Variants in PTPN21 observed in about 807,000 individuals in gnomAD.
The protein encoded by PTPN21 is protein tyrosine phosphatase non-receptor type 21, also known as tyrosine-protein phosphatase non-receptor type 21.
In PTPN21, 77 loss-of-function variants were observed where a neutral mutation model predicts 131.8. The observed-to-expected ratio is 0.58, with a 90% CI of 0.49 to 0.71. The LOEUF (loss-of-function observed/expected upper bound fraction) is 0.71, where lower values mean the gene tolerates loss of function less well. Among genes scored for constraint, PTPN21 ranks in the 30% least tolerant of loss-of-function variants. PTPN21 has a pLI of 0.00. For synonymous variants in PTPN21, 715 were observed against 621.3 expected, an observed-to-expected ratio of 1.15 and a Z score of -2.24; for missense variants, 1,552 against 1,527.1, an observed-to-expected ratio of 1.02 and a Z score of -0.27.
In PTPN21 at chr14:88,480,240, T is replaced by C. The variant is rs1428199836; in HGVS notation, c.1191A>G (p.Ala397=). ...GRIRNGSVYS[A]HSTNSLNNPQ... ...GATTATTTAAGGAGTTGGTGCTGTG[T>C]GCACTGTAGACACTGCCATTACGGA... is the stretch of plus-strand genomic sequence containing the variant. Residue 397 remains alanine, a synonymous_variant, in exon 13 of 19, where the codon GCA becomes GCG. Coordinates refer to ENST00000556564, the MANE Select transcript of PTPN21 (RefSeq NM_007039.4). 6.2e-7 allele frequency: 1 copy of C among 1,614,008 alleles called. No homozygotes were observed. The highest frequency in any genetic ancestry group is 8.5e-7 in the Non-Finnish European group (1 of 1,179,952).
intron 13 of PTPN21, chr14:88,474,005 A>G: frequency 4.1e-6 from 2 of 487,010 alleles, no homozygotes; most frequent in Non-Finnish European, 3.5e-6. Context: ...AAGCCCTGAT[A>G]AAGTCTTCCA....
intron 2 of PTPN21, among the ~76,000 whole-genome samples, chr14:88,517,526 C>T (rs1312363811): frequency 3.3e-5 from 5 of 151,818 alleles, no homozygotes; most frequent in Non-Finnish European, 5.9e-5. Context: ...AATACATTCA[C>T]GACCTAGACA....
rs895449770 is a variant in PTPN21 at position 88,467,656 on chromosome 14, A to G, written c.*481T>C. On this transcript the variant is annotated 3_prime_UTR_variant, in exon 19 of 19. Transcript: ENST00000556564. The stretch of plus-strand genomic sequence containing the variant: ...AGATAATAACATGATTTTTAAATAC[A>G]AAGTTATATAGGAGCAACTCATATC... 2 of 152,630 alleles carry G rather than the reference A, an allele frequency of 1.3e-5. No homozygotes were observed. Among genetic ancestry groups the G allele is most frequent in the African/African-American group, 4.8e-5 (2 of 41,476 alleles). 9.5% of individuals were successfully genotyped at this position (152,630 alleles called of 1,614,324 possible).
intron 4 of PTPN21, 128 bp from the exon 5 acceptor site, chr14:88,505,499 T>C (rs1718939070): frequency 1.9e-6 from 1 of 538,116 alleles, no homozygotes; most frequent in African/African-American, 2.0e-5. Flanking sequence ...TTGTTATAGC[T>C]ATATAAAGTA....
Position 88,469,032 on chromosome 14 carries a change from T to C in PTPN21, c.3280A>G (p.Thr1094Ala). The C allele has an allele frequency of 6.2e-7, 1 of 1,614,172 alleles. No homozygotes were observed. The highest frequency in any genetic ancestry group is 8.5e-7 in the Non-Finnish European group (1 of 1,180,020). The change falls in exon 18 of 19, where the codon ACA becomes GCA. Residue 1094 changes from threonine to alanine, a missense_variant. Thr to Ala is a moderately conservative substitution (Grantham distance 58). Coordinates refer to ENST00000556564, the MANE Select transcript of PTPN21 (RefSeq NM_007039.4). The surrounding 1 kb of genome is among the most constrained non-coding windows in gnomAD (Gnocchi z 4.3). ...IQSVRRHTNSTSDPQSPNPPL... is the reference protein window; with the variant it reads ...IQSVRRHTNSASDPQSPNPPL... ...GGGTTGGGGCTTTGGGGATCACTTG[T>C]GCTATTTGTATGGCGTCGAACAGAC...
chr14:88,473,616 T>C, intron 14 of PTPN21, 49 bp downstream of exon 14: 1 of 1,576,868 alleles, frequency 6.3e-7, no homozygotes, highest in Non-Finnish European at 8.6e-7. Flanking sequence ...GCGTAGTATT[T>C]ACCGGTTGTT....
At chr14:88,535,403 C>A (rs2078615576) in intron 2 of PTPN21, among the ~76,000 whole-genome samples, 1 of 152,160 alleles carries the variant, frequency 6.6e-6, no homozygotes, top group African/African-American at 2.4e-5. Context: ...TGGTGTGGTA[C>A]AAAGAGCACT....
intron 2 of PTPN21, among the ~76,000 whole-genome samples, chr14:88,522,371 G>A (rs562298826): frequency 2.1e-5 from 3 of 145,278 alleles, no homozygotes; most frequent in East Asian, 2.1e-4. Flanking sequence ...GAAGTGAGCT[G>A]AGAGCATGCC....
chr14:88,540,673 T>G (rs1566852129), intron 2 of PTPN21, among the ~76,000 whole-genome samples: 2 of 152,148 alleles, frequency 1.3e-5, no homozygotes, highest in African/African-American at 4.8e-5. Context: ...TTATTTTTAT[T>G]TTTTCTGGAG....
In PTPN21 at chr14:88,474,038, T is replaced by G. The variant is rs115234236; in HGVS notation, c.2512-236A>C. The G allele has an allele frequency of 2.3e-3, 842 of 372,316 alleles. 6 individuals carry two copies. The highest frequency in any genetic ancestry group is 0.017 in the African/African-American group (801 of 46,586). 23.1% of individuals were successfully genotyped at this position (372,316 alleles called of 1,614,324 possible). ...CCAGATAGAAGGTTTTGAAACACTA[T>G]TGGTTACAAAGTTCTGTTGTAATGA... On this transcript the variant is annotated intron_variant, in intron 13 of 18. Coordinates refer to ENST00000556564, the MANE Select transcript of PTPN21 (RefSeq NM_007039.4).
chr14:88,533,784 T>C (rs541732160), intron 2 of PTPN21, among the ~76,000 whole-genome samples: 24 of 151,950 alleles, frequency 1.6e-4, no homozygotes, highest in South Asian at 4.2e-4. Flanking sequence ...GGCAGGAGGA[T>C]TGCTTGAGCC....
At chr14:88,519,977 C>A (rs2078365216) in intron 2 of PTPN21, among the ~76,000 whole-genome samples, 1 of 152,196 alleles carries the variant, frequency 6.6e-6, no homozygotes, top group South Asian at 2.1e-4. Flanking sequence ...TGTCCCTGGA[C>A]TACCTCTACC....
At chr14:88,541,674 C>T (rs1321180221) in intron 2 of PTPN21, among the ~76,000 whole-genome samples, 1 of 152,116 alleles carries the variant, frequency 6.6e-6, no homozygotes, top group Admixed American at 6.5e-5. Context: ...AGTTGTCCCA[C>T]TGAGCAATGA....
Position 88,545,028 on chromosome 14 carries a change from C to T in PTPN21, c.180+5210G>A, listed in dbSNP as rs147423750. Among the ~76,000 whole-genome samples, 1,157 of 152,196 alleles carry T rather than the reference C, an allele frequency of 7.6e-3. 6 individuals are homozygous for T. The highest frequency in any genetic ancestry group is 0.026 in the African/African-American group (1,099 of 41,502). ...TATTTTTAGTAGAGATGGGGTTTCACCATGTTGGCCAGGCCAGGCTGGTCT... is the reference window on the plus strand; with the variant it reads ...TATTTTTAGTAGAGATGGGGTTTCATCATGTTGGCCAGGCCAGGCTGGTCT... On this transcript the variant is annotated intron_variant, in intron 2 of 18. Coordinates refer to ENST00000556564, the MANE Select transcript of PTPN21 (RefSeq NM_007039.4).
chr14:88,508,080 C>A (rs942086112), intron 3 of PTPN21, 60 bp from the exon 4 acceptor site: 6 of 852,926 alleles, frequency 7.0e-6, no homozygotes, highest in South Asian at 3.6e-5. Context: ...AGATACAATG[C>A]ATTTAACCAT....
At chr14:88,543,699 C>G (rs538844952) in intron 2 of PTPN21, among the ~76,000 whole-genome samples, 1 of 152,182 alleles carries the variant, frequency 6.6e-6, no homozygotes, top group East Asian at 1.9e-4. Context: ...ACTAAACACA[C>G]AATTTAAAAA....
At position 88,554,657 on chromosome 14, in the gene PTPN21, C is replaced by T. The variant is rs913709999; in HGVS notation, c.-209G>A. The stretch of plus-strand genomic sequence containing the variant: ...CCGGGGACCGCGCCCTCACCTGCTC[C>T]CGCTCCCGCTCCCGCATCCTCGGGG... On this transcript the variant is annotated 5_prime_UTR_variant, in exon 1 of 19. Transcript: ENST00000556564. The T allele has an allele frequency of 6.7e-6, 1 of 149,394 alleles. No homozygotes were observed. The highest frequency in any genetic ancestry group is 2.4e-5 in the African/African-American group (1 of 41,034). 9.3% of individuals were successfully genotyped at this position (149,394 alleles called of 1,614,324 possible).
rs1425510912 is a variant in PTPN21, at chr14:88,466,729, TG to T, written c.*1407del. 5 of 150,410 alleles carry T rather than the reference TG, an allele frequency of 3.3e-5. No individual in the cohort carries two copies. Among genetic ancestry groups the T allele is most frequent in the African/African-American group, 1.2e-4 (5 of 40,778 alleles). The allele number at this position is 150,410 out of a possible 1,614,324, so 9.3% of individuals were successfully genotyped here. On this transcript the variant is annotated 3_prime_UTR_variant, in exon 19 of 19. Coordinates refer to ENST00000556564, the MANE Select transcript of PTPN21 (RefSeq NM_007039.4). Reference sequence around the variant, plus strand: ...TCTATTGGGATGTGCCTAAATGGGATGGGTGAGGGGGCACTAAACAGCTAAC... The same window carrying T: ...TCTATTGGGATGTGCCTAAATGGGATGGTGAGGGGGCACTAAACAGCTAAC...
chr14:88,517,706 A>T (rs2078298705), intron 2 of PTPN21, among the ~76,000 whole-genome samples: 1 of 145,186 alleles, frequency 6.9e-6, no homozygotes, highest in Non-Finnish European at 1.5e-5. Flanking sequence ...GCGTATGTGT[A>T]TATATGTGTG....
Sources: gnomAD v4.1 joint callset for allele counts (sites outside exome capture counted in the v4.1 genomes callset) on GRCh38, gnomAD v4.1.1 for gene constraint, Gnocchi (gnomAD v3.1) non-coding constraint, MANE v1.5 for transcripts, NCBI Gene and HGNC (gene_info 2026-07-23, HGNC 2026-07-21) for gene names.